The following VPS53 variants were observed in gnomAD, a reference collection of about 807,000 sequenced individuals.
VPS53 encodes vacuolar protein sorting-associated protein 53 homolog.
In VPS53, 70 loss-of-function variants were observed where a neutral mutation model predicts 107.0. The ratio of observed to expected loss-of-function variants is 0.65; its 90% confidence interval spans 0.54 to 0.80. VPS53 has a LOEUF of 0.80. VPS53 is among the 30% of genes least tolerant of loss of function. VPS53 has a pLI of 0.00. For synonymous variants in VPS53, 409 were observed against 393.3 expected, an observed-to-expected ratio of 1.04 and a Z score of -0.47; for missense variants, 917 against 1,049.4, an observed-to-expected ratio of 0.87 and a Z score of 1.74.
intron 8 of VPS53, among the ~76,000 whole-genome samples, chr17:630,658 T>C (rs1295980672): frequency 1.3e-5 from 2 of 152,228 alleles, no homozygotes; most frequent in Non-Finnish European, 2.9e-5. Flanking sequence ...ACTTACTTCC[T>C]ACATTTCTTT....
chr17:675,941 T>C (rs968691144), intron 4 of VPS53, among the ~76,000 whole-genome samples: 1 of 152,048 alleles, frequency 6.6e-6, no homozygotes, highest in Admixed American at 6.6e-5. Flanking sequence ...GTTCAGAGTC[T>C]ACGATGCAAT....
At chr17:673,457 G>A (rs886551215) in intron 4 of VPS53, among the ~76,000 whole-genome samples, 11 of 152,168 alleles carry the variant, frequency 7.2e-5, no homozygotes, top group Non-Finnish European at 1.5e-4. Context: ...GAGGCTGCGG[G>A]ACTCTCACAC....
intron 12 of VPS53, among the ~76,000 whole-genome samples, chr17:593,293 G>C (rs1193857012): frequency 6.6e-6 from 1 of 152,116 alleles, no homozygotes; most frequent in Admixed American, 6.6e-5. Context: ...GGCAACAAAA[G>C]ACAAAATTGA....
At chr17:573,040 A>G (rs1473774365) in intron 13 of VPS53, among the ~76,000 whole-genome samples, 4 of 152,196 alleles carry the variant, frequency 2.6e-5, no homozygotes, top group Admixed American at 2.0e-4. Context: ...ATAAAAATAA[A>G]AATAAAATAA....
At chr17:632,262 A>G (rs190490649) in intron 7 of VPS53, among the ~76,000 whole-genome samples, 196 of 152,216 alleles carry the variant, frequency 1.3e-3, no homozygotes, top group African/African-American at 4.6e-3. Flanking sequence ...ACAAAACACT[A>G]ACAAACAACA....
At chr17:660,845 G>A (rs1971408764) in intron 5 of VPS53, among the ~76,000 whole-genome samples, 1 of 152,180 alleles carries the variant, frequency 6.6e-6, no homozygotes, top group Non-Finnish European at 1.5e-5. Context: ...TACAGTTGAA[G>A]AAGCTGGAAT....
At chr17:635,265 T>A (rs1208703245) in intron 7 of VPS53, among the ~76,000 whole-genome samples, 2 of 152,366 alleles carry the variant, frequency 1.3e-5, no homozygotes, top group East Asian at 3.9e-4. Flanking sequence ...CTTGTAAATT[T>A]GTTTGAGTTA....
chr17:521,706 G>T lies in VPS53; in HGVS notation c.2118C>A (p.Val706=). The change falls in exon 20 of 22, where the codon GTC becomes GTA. Residue 706 remains valine (V), a synonymous_variant. Transcript: ENST00000437048. ...AGCTGATGGAGGGGAGATCGAGCAG[G>T]ACCATCTTCAGCGAGTGGGTGTCCA... is the stretch of plus-strand genomic sequence containing the variant. ...LLLDTHSLKM[V]LLDLPSISSQ... is the part of the protein sequence containing the mutation. 2 of 1,549,240 alleles carry T rather than the reference G, an allele frequency of 1.3e-6. No individual in the cohort carries two copies. Among genetic ancestry groups the T allele is most frequent in the Non-Finnish European group, 1.7e-6 (2 of 1,145,298 alleles).
chr17:615,566 G>A (rs576133062), intron 11 of VPS53, among the ~76,000 whole-genome samples: 8 of 152,276 alleles, frequency 5.3e-5, no homozygotes, highest in South Asian at 4.1e-4. Flanking sequence ...GTCTCTGGCC[G>A]TTTTGGCTCC....
intron 15 of VPS53, among the ~76,000 whole-genome samples, chr17:556,815 A>G (rs550253258): frequency 7.8e-6 from 1 of 128,312 alleles, no homozygotes; most frequent in South Asian, 2.5e-4. Context: ...GCCAGCCGAG[A>G]CGTAACTTCG....
intron 11 of VPS53, among the ~76,000 whole-genome samples, chr17:621,699 G>A (rs1042829839): frequency 4.0e-5 from 6 of 151,766 alleles, no homozygotes; most frequent in African/African-American, 7.3e-5. Flanking sequence ...TTTTTCTAAC[G>A]GGTTACTCGT....
intron 4 of VPS53, among the ~76,000 whole-genome samples, chr17:662,869 G>GGAAGGAAGGAAGGAAC (rs1567720212): frequency 5.8e-5 from 6 of 102,788 alleles, no homozygotes; most frequent in African/African-American, 1.8e-4. Context: ...AAGGAAGGAA[G>GGAAGGAAGGAAGGAAC]GAACGAAGGA....
chr17:700,679 G>C (rs1362019285), intron 2 of VPS53, among the ~76,000 whole-genome samples: 1 of 152,244 alleles, frequency 6.6e-6, no homozygotes, highest in East Asian at 1.9e-4. Flanking sequence ...TTAGAGATGA[G>C]AAAATGTGAG....
At chr17:707,038 A>G (rs1392858714) in intron 2 of VPS53, among the ~76,000 whole-genome samples, 1 of 152,246 alleles carries the variant, frequency 6.6e-6, no homozygotes, top group Non-Finnish European at 1.5e-5. Flanking sequence ...AGCAACCTCC[A>G]GAGCAGGGTG....
intron 17 of VPS53, among the ~76,000 whole-genome samples, chr17:549,959 T>TA (rs891589090): frequency 6.6e-6 from 1 of 152,338 alleles, no homozygotes; most frequent in Admixed American, 6.5e-5. Flanking sequence ...TTATTTTTGT[T>TA]AAATATTTAC....
Position 682,833 on chromosome 17 carries a change from A to G in VPS53, c.285+14585T>C, listed in dbSNP as rs939086009. On this transcript the variant is annotated intron_variant, in intron 4 of 21. Coordinates refer to ENST00000437048, the MANE Select transcript of VPS53 (RefSeq NM_001128159.3). The stretch of plus-strand genomic sequence containing the variant: ...ACCAACAGAACCTGTCTCAAAGAGG[A>G]GCCATTTGGTATAAATATTAGATAG... Among the ~76,000 whole-genome samples, 28 of 139,876 alleles carry G rather than the reference A, an allele frequency of 2.0e-4. 1 individual carries two copies. Among genetic ancestry groups the G allele is most frequent in the East Asian group, 3.9e-4 (2 of 5,188 alleles). The allele number at this position is 139,876 out of a possible 152,430, so 91.8% of individuals were successfully genotyped here. A position where few individuals can be genotyped will look rare whatever the true frequency, so the allele number is the denominator to read the frequency against.
chr17:598,273 C>A (rs920348628), intron 12 of VPS53, among the ~76,000 whole-genome samples: 3 of 152,196 alleles, frequency 2.0e-5, no homozygotes, highest in African/African-American at 7.2e-5. Context: ...CTCAATGGTG[C>A]CCAGGCTGGA....
intron 18 of VPS53, among the ~76,000 whole-genome samples, chr17:533,605 C>T (rs1028818655): frequency 6.6e-5 from 10 of 152,228 alleles, no homozygotes; most frequent in South Asian, 2.1e-4. Flanking sequence ...TCCTGTTCAA[C>T]GGCGTCTCTA....
rs540790901 is a variant in VPS53, at chr17:590,438, G to A, written c.1219-4074C>T. ...TGTTGAATAGGAGTGGTGAGAGAGG[G>A]CATCCCTGTCTTGTGCCAGTTTTCA... On this transcript the variant is annotated intron_variant, in intron 12 of 21. Coordinates refer to ENST00000437048, the MANE Select transcript of VPS53 (RefSeq NM_001128159.3). 9.6e-4 allele frequency among the ~76,000 whole-genome samples: 144 copies of A among 150,354 alleles called. 1 individual carries two copies. The highest frequency in any genetic ancestry group is 3.5e-3 in the Middle Eastern group (1 of 282).
Sources: allele counts gnomAD v4.1 joint callset (sites outside exome capture counted in the v4.1 genomes callset), GRCh38; gene constraint gnomAD v4.1.1; transcripts MANE v1.5; gene names NCBI Gene and HGNC (gene_info 2026-07-23, HGNC 2026-07-21).